The following ZNF423 variants were observed in gnomAD, a reference collection of about 807,000 sequenced individuals.
ZNF423 encodes the protein zinc finger protein 423.
Under a neutral mutation model 95.8 loss-of-function variants are expected in ZNF423, and 12 were observed. The observed-to-expected ratio is 0.13, with a 90% CI of 0.08 to 0.20. ZNF423 has a LOEUF of 0.20. Ranked by LOEUF, ZNF423 falls within the 10% of genes least tolerant of loss-of-function variation. The pLI, the probability that ZNF423 is intolerant of heterozygous loss-of-function variation, is 1.00. For synonymous variants in ZNF423, 749 were observed against 711.9 expected (o/e 1.05, Z -0.83); for missense variants, 1,316 against 1,737.1 (o/e 0.76, Z 4.31).
At chr16:49,583,405 C>A (rs1392203896) in intron 5 of ZNF423, among the ~76,000 whole-genome samples, 1 of 152,180 alleles carries the variant, frequency 6.6e-6, no homozygotes, top group Non-Finnish European at 1.5e-5. Flanking sequence ...GAAAAAAAGT[C>A]ATGATGGCAG....
intron 3 of ZNF423, among the ~76,000 whole-genome samples, chr16:49,728,540 A>G (rs2033085508): frequency 6.6e-6 from 1 of 152,170 alleles, no homozygotes; most frequent in Non-Finnish European, 1.5e-5. Context: ...GGACCCTGCA[A>G]ACAGGGCTGC....
At chr16:49,686,216 G>A (rs542133294) in intron 3 of ZNF423, among the ~76,000 whole-genome samples, 1 of 152,304 alleles carries the variant, frequency 6.6e-6, no homozygotes, top group South Asian at 2.1e-4. Context: ...ACACAGCCTG[G>A]CACAAAGTAG....
At chr16:49,631,754 G>A (rs1221646494) in intron 4 of ZNF423, among the ~76,000 whole-genome samples, 2 of 152,210 alleles carry the variant, frequency 1.3e-5, no homozygotes, top group African/African-American at 2.4e-5. Flanking sequence ...TTCCATGATC[G>A]TGAGCACTGC....
intron 5 of ZNF423, among the ~76,000 whole-genome samples, chr16:49,528,605 G>C (rs1002838009): frequency 6.6e-6 from 1 of 152,168 alleles, no homozygotes; most frequent in African/African-American, 2.4e-5. Context: ...AAGCCTGAAG[G>C]GTTCCCGCAG....
intron 2 of ZNF423, among the ~76,000 whole-genome samples, chr16:49,742,361 G>A (rs531963324): frequency 6.6e-6 from 1 of 152,014 alleles, no homozygotes; most frequent in African/African-American, 2.4e-5. Context: ...AGGGAAGCAG[G>A]GGGGAGAAAA....
At chr16:49,738,090 C>T (rs1190555468) in intron 2 of ZNF423, among the ~76,000 whole-genome samples, 3 of 152,228 alleles carry the variant, frequency 2.0e-5, no homozygotes, top group Admixed American at 1.3e-4. Flanking sequence ...CAATCACACG[C>T]ACTCACCCAT....
chr16:49,636,623 A>G lies in ZNF423; in HGVS notation c.2553T>C (p.Asn851=). The G allele has an allele frequency of 6.2e-7, 1 of 1,613,550 alleles. No homozygotes were observed. Among genetic ancestry groups the G allele is most frequent in the Non-Finnish European group, 8.5e-7 (1 of 1,179,900 alleles). The change falls in exon 4 of 8, where the codon AAT becomes AAC. Residue 851 remains asparagine, a synonymous_variant. Transcript: ENST00000563137. This position sits in a 1 kb window ranked among gnomAD's most constrained non-coding sequence, Gnocchi z 8.6. The part of the protein sequence containing the change: ...FDAATENGTA[N]GVPPMATKKA... Reference sequence around the variant, plus strand: ...TCTTGGTGGCCATTGGGGGTACCCCATTGGCCGTGCCGTTCTCGGTCGCAG... The same window carrying G: ...TCTTGGTGGCCATTGGGGGTACCCCGTTGGCCGTGCCGTTCTCGGTCGCAG...
At chr16:49,587,333 C>T (rs754564354) in intron 5 of ZNF423, among the ~76,000 whole-genome samples, 1 of 152,166 alleles carries the variant, frequency 6.6e-6, no homozygotes, top group African/African-American at 2.4e-5. Context: ...GGCGAATGTT[C>T]GAGGCATCCA....
chr16:49,761,012 A>G (rs1024127565), intron 2 of ZNF423, among the ~76,000 whole-genome samples: 3 of 150,968 alleles, frequency 2.0e-5, no homozygotes, highest in African/African-American at 7.3e-5. Flanking sequence ...ATATACACAT[A>G]AACACATGCA....
At chr16:49,813,466 C>A (rs955791084) in intron 1 of ZNF423, among the ~76,000 whole-genome samples, 7 of 152,188 alleles carry the variant, frequency 4.6e-5, no homozygotes, top group African/African-American at 1.7e-4. Context: ...CCTCAATGTG[C>A]CACCAGTCAA....
chr16:49,850,970 G>A (rs940634421), intron 1 of ZNF423, among the ~76,000 whole-genome samples: 1 of 152,130 alleles, frequency 6.6e-6, no homozygotes, highest in Non-Finnish European at 1.5e-5. Flanking sequence ...GGAGGAGTGG[G>A]AGCAAGAACT....
intron 3 of ZNF423, among the ~76,000 whole-genome samples, chr16:49,645,306 G>A (rs375455849): frequency 2.0e-5 from 3 of 152,144 alleles, no homozygotes; most frequent in African/African-American, 4.8e-5. Flanking sequence ...AATCCCACAT[G>A]ATACAGATGG....
chr16:49,678,019 C>A (rs1433906309), intron 3 of ZNF423, among the ~76,000 whole-genome samples: 5 of 151,874 alleles, frequency 3.3e-5, no homozygotes, highest in Admixed American at 3.3e-4. Context: ...CCTGTCTCTA[C>A]TAAAAAGACA....
At chr16:49,785,461 T>C (rs2034295753) in intron 2 of ZNF423, among the ~76,000 whole-genome samples, 1 of 152,260 alleles carries the variant, frequency 6.6e-6, no homozygotes, top group Non-Finnish European at 1.5e-5. Context: ...ATACCAAAAT[T>C]CACTTTAAAT....
chr16:49,736,284 G>C (rs2143445455), intron 2 of ZNF423, among the ~76,000 whole-genome samples: 1 of 152,196 alleles, frequency 6.6e-6, no homozygotes, highest in East Asian at 1.9e-4. Flanking sequence ...TTGAATATTG[G>C]CAATCTCAAA....
At chr16:49,670,169 G>A (rs1347949637) in intron 3 of ZNF423, among the ~76,000 whole-genome samples, 1 of 152,196 alleles carries the variant, frequency 6.6e-6, no homozygotes, top group African/African-American at 2.4e-5. Context: ...CAGCAGTTCT[G>A]TTTGGTGACA....
At chr16:49,686,598 G>A (rs1484192731) in intron 3 of ZNF423, among the ~76,000 whole-genome samples, 1 of 152,052 alleles carries the variant, frequency 6.6e-6, no homozygotes, top group Non-Finnish European at 1.5e-5. Flanking sequence ...CACCACACTT[G>A]AGTGGCCTGG....
intron 7 of ZNF423, among the ~76,000 whole-genome samples, chr16:49,522,642 G>A (rs1161587130): frequency 2.0e-5 from 3 of 152,086 alleles, no homozygotes; most frequent in Non-Finnish European, 4.4e-5. Context: ...ATATATCTGT[G>A]GACATGAGTG....
intron 5 of ZNF423, among the ~76,000 whole-genome samples, chr16:49,553,424 G>A (rs992441094): frequency 6.6e-5 from 10 of 151,872 alleles, no homozygotes; most frequent in South Asian, 2.1e-4. Flanking sequence ...ATAGCTCACC[G>A]AAGCTTTGAA....
Sources: gnomAD v4.1 joint callset for allele counts (sites outside exome capture counted in the v4.1 genomes callset) on GRCh38, gnomAD v4.1.1 for gene constraint, Gnocchi (gnomAD v3.1) non-coding constraint, MANE v1.5 for transcripts, NCBI Gene and HGNC (gene_info 2026-07-23, HGNC 2026-07-21) for gene names.